The following CRIM1 variants were observed in gnomAD, a reference collection of about 807,000 sequenced individuals.
The protein encoded by CRIM1 is cysteine rich transmembrane BMP regulator 1, also known as cysteine-rich motor neuron 1 protein.
CRIM1 carries 32 observed loss-of-function variants against 116.4 expected under a neutral mutation model. That is an observed-to-expected ratio of 0.27 (90% confidence interval 0.21 to 0.37). CRIM1 has a LOEUF of 0.37. CRIM1 is among the 10% of genes least tolerant of loss of function. CRIM1 has a pLI of 1.00. For missense variants in CRIM1, 1,331 were observed against 1,354.8 expected (o/e 0.98, Z 0.28); for synonymous variants, 590 against 509.2 (o/e 1.16, Z -2.13).
In CRIM1 at chr2:36,497,029, AC is replaced by A. The variant is rs371024299; in HGVS notation, c.1373-2189del. Among the ~76,000 whole-genome samples the A allele has an allele frequency of 5.0e-3, 763 of 152,320 alleles. 4 individuals are homozygous for A. Among genetic ancestry groups the A allele is most frequent in the African/African-American group, 0.018 (733 of 41,576 alleles). On this transcript the variant is annotated intron_variant, in intron 7 of 16. Coordinates refer to ENST00000280527, the MANE Select transcript of CRIM1 (RefSeq NM_016441.3). Reference sequence around the variant, plus strand: ...AAATTCACTGCTGCTAAAATTCCATACTACCCTATGATATGATGATTATACA... The same window carrying A: ...AAATTCACTGCTGCTAAAATTCCATATACCCTATGATATGATGATTATACA...
intron 16 of CRIM1, 92 bp from the exon 17 acceptor site, chr2:36,548,433 T>C (rs1242079779): frequency 3.4e-6 from 3 of 893,702 alleles, no homozygotes; most frequent in African/African-American, 1.7e-5. Context: ...GAAACTGTTA[T>C]CTCACCTGAG....
intron 4 of CRIM1, among the ~76,000 whole-genome samples, chr2:36,461,872 T>C (rs967239655): frequency 6.6e-6 from 1 of 152,220 alleles, no homozygotes; most frequent in Non-Finnish European, 1.5e-5. Flanking sequence ...ACCTAATAGA[T>C]AGCTACCCAA....
At chr2:36,437,579 A>AT (rs10651227) in intron 2 of CRIM1, among the ~76,000 whole-genome samples, 5 of 151,856 alleles carry the variant, frequency 3.3e-5, no homozygotes, top group African/African-American at 1.2e-4. Flanking sequence ...ATATTAATAA[A>AT]GAGAAAGCCA....
At chr2:36,505,098 C>A in intron 8 of CRIM1, among the ~76,000 whole-genome samples, 1 of 152,154 alleles carries the variant, frequency 6.6e-6, no homozygotes, top group Non-Finnish European at 1.5e-5. Flanking sequence ...TGTTTTATTT[C>A]ACTGTAATTC....
At chr2:36,438,905 C>T (rs1455684108) in intron 2 of CRIM1, among the ~76,000 whole-genome samples, 1 of 152,200 alleles carries the variant, frequency 6.6e-6, no homozygotes, top group Admixed American at 6.5e-5. Flanking sequence ...ATCTCAGTTT[C>T]ATCATCTGTA....
At position 36,356,160 on chromosome 2, in the gene CRIM1, G is replaced by A. The variant is rs1194775105; in HGVS notation, c.-133G>A. 1 of 220,304 alleles carries A rather than the reference G, an allele frequency of 4.5e-6. No individual in the cohort carries two copies. The highest frequency in any genetic ancestry group is 2.3e-5 in the African/African-American group (1 of 42,576). The allele number at this position is 220,304 out of a possible 1,614,324, so 13.6% of individuals were successfully genotyped here. ...GCCCCGCGAGGGGAGGCGCGCCCCG[G>A]GGGCCCCGAGAGGGGCGGTGAGGAC... On this transcript the variant is annotated 5_prime_UTR_variant, in exon 1 of 17. Transcript: ENST00000280527. This position sits in a 1 kb window ranked among gnomAD's most constrained non-coding sequence, Gnocchi z 4.3.
intron 1 of CRIM1, among the ~76,000 whole-genome samples, chr2:36,368,296 C>T (rs947060303): frequency 6.6e-6 from 1 of 152,212 alleles, no homozygotes; most frequent in African/African-American, 2.4e-5. Context: ...TCCCTCACCT[C>T]TGTGTACAGC....
rs189091931 is a variant in CRIM1, at chr2:36,530,468, C to T, written c.2429-6884C>T. Among the ~76,000 whole-genome samples, 53 of 152,224 alleles carry T rather than the reference C, an allele frequency of 3.5e-4. 1 individual carries two copies. Among genetic ancestry groups the T allele is most frequent in the Admixed American group, 3.0e-3 (46 of 15,300 alleles). On this transcript the variant is annotated intron_variant, in intron 13 of 16. Coordinates refer to ENST00000280527, the MANE Select transcript of CRIM1 (RefSeq NM_016441.3). ...ATTCTCCAAGTGTGGAGTTTGTGCC[C>T]AGCATGTGACCGACAATACAGAATG... is the stretch of plus-strand genomic sequence containing the variant.
chr2:36,521,080 C>T (rs1309558037), intron 12 of CRIM1, among the ~76,000 whole-genome samples: 1 of 152,144 alleles, frequency 6.6e-6, no homozygotes, highest in Non-Finnish European at 1.5e-5. Context: ...TGGAAACGCA[C>T]CCACTTACAT....
intron 2 of CRIM1, among the ~76,000 whole-genome samples, chr2:36,428,539 A>G (rs778370703): frequency 6.6e-6 from 1 of 152,222 alleles, no homozygotes; most frequent in African/African-American, 2.4e-5. Context: ...TATACAGAAA[A>G]TCTAGGCTTG....
intron 8 of CRIM1, among the ~76,000 whole-genome samples, chr2:36,501,763 A>G (rs1681017970): frequency 1.5e-5 from 2 of 129,578 alleles, no homozygotes; most frequent in Admixed American, 2.0e-4. Context: ...TTGAGCTTGT[A>G]GTTACTACCA....
At chr2:36,446,939 T>C (rs1676290735) in intron 4 of CRIM1, among the ~76,000 whole-genome samples, 1 of 152,182 alleles carries the variant, frequency 6.6e-6, no homozygotes, top group South Asian at 2.1e-4. Flanking sequence ...TAAGAGAATT[T>C]ACAACAGAAA....
At chr2:36,388,651 C>A (rs762309916) in intron 1 of CRIM1, among the ~76,000 whole-genome samples, 1 of 152,096 alleles carries the variant, frequency 6.6e-6, no homozygotes, top group Non-Finnish European at 1.5e-5. Flanking sequence ...TTACACCATC[C>A]CCCTCTGGGC....
rs538715962 is a variant in CRIM1, at chr2:36,529,347, G to A, written c.2428+7034G>A. 58 of 272,230 alleles carry A rather than the reference G, an allele frequency of 2.1e-4. No individual in the cohort carries two copies. The East Asian group carries it at 4.1e-3, about 19-fold the overall frequency. 16.9% of individuals were successfully genotyped at this position (272,230 alleles called of 1,614,324 possible). A position where few individuals can be genotyped will look rare whatever the true frequency, so the allele number is the denominator to read the frequency against. On this transcript the variant is annotated intron_variant, in intron 13 of 16. Transcript: ENST00000280527. ...ATCTGGAAGGTCCAATGGCTTCTAC[G>A]TTAAGGTTTTCTTAACAAGATGGTA...
intron 16 of CRIM1, 52 bp from the exon 17 acceptor site, chr2:36,548,473 T>C: frequency 7.2e-7 from 1 of 1,388,912 alleles, no homozygotes; most frequent in East Asian, 2.3e-5. Context: ...TCATTTGAGA[T>C]AATGTAAAGC....
At chr2:36,512,859 C>T (rs1235767353) in intron 10 of CRIM1, among the ~76,000 whole-genome samples, 1 of 152,192 alleles carries the variant, frequency 6.6e-6, no homozygotes, top group Admixed American at 6.5e-5. Flanking sequence ...ACATGCCAGC[C>T]CACAGCTGTG....
intron 14 of CRIM1, among the ~76,000 whole-genome samples, chr2:36,540,598 CA>C (rs1196531655): frequency 1.3e-5 from 2 of 152,264 alleles, no homozygotes; most frequent in East Asian, 3.9e-4. Flanking sequence ...GTAGCTTTGG[CA>C]AGGATTTTTC....
At chr2:36,505,186 C>T (rs1681303585) in intron 8 of CRIM1, among the ~76,000 whole-genome samples, 1 of 152,154 alleles carries the variant, frequency 6.6e-6, no homozygotes, top group Admixed American at 6.5e-5. Flanking sequence ...GTCTTGGGAA[C>T]TTCATGGCCA....
intron 2 of CRIM1, among the ~76,000 whole-genome samples, chr2:36,430,769 T>G (rs1674824269): frequency 1.3e-5 from 2 of 152,180 alleles, no homozygotes; most frequent in South Asian, 2.1e-4. Flanking sequence ...CAGAAGCACT[T>G]TCTCACCAGG....
Sources: allele counts gnomAD v4.1 joint callset (sites outside exome capture counted in the v4.1 genomes callset), GRCh38; gene constraint gnomAD v4.1.1; non-coding constraint Gnocchi (gnomAD v3.1); transcripts MANE v1.5; gene names NCBI Gene and HGNC (gene_info 2026-07-23, HGNC 2026-07-21).